The following GLIS3 variants were observed in gnomAD, a reference collection of about 807,000 sequenced individuals.
GLIS3 encodes GLIS family zinc finger 3, also known as zinc finger protein GLIS3.
Under a neutral mutation model 78.6 loss-of-function variants are expected in GLIS3, and 53 were observed. The observed-to-expected ratio is 0.67, with a 90% CI of 0.54 to 0.85. GLIS3 has a LOEUF of 0.85. Ranked by LOEUF, GLIS3 falls within the 40% of genes least tolerant of loss-of-function variation. GLIS3 has a pLI of 0.00. For missense variants in GLIS3, 1,703 were observed against 1,231.1 expected (o/e 1.38, Z -5.74); for synonymous variants, 684 against 509.9 (o/e 1.34, Z -4.60).
the GLIS3 span, among the ~76,000 whole-genome samples, chr9:4,379,048 C>G: frequency 1.4e-4 from 21 of 152,134 alleles, no homozygotes; most frequent in Non-Finnish European, 1.6e-4. Flanking sequence ...TTTTCAAGTG[C>G]TTGTGGTTTT....
the GLIS3 span, among the ~76,000 whole-genome samples, chr9:4,397,024 C>CTTTTTTT: frequency 2.5e-4 from 30 of 121,198 alleles, no homozygotes; most frequent in Non-Finnish European, 3.2e-4. Context: ...TTCTTTTTTT[C>CTTTTTTT]TTTTTTTTTT....
chr9:4,248,087 T>C (rs934439023), intron 2 of GLIS3, among the ~76,000 whole-genome samples: 2 of 152,156 alleles, frequency 1.3e-5, no homozygotes, highest in African/African-American at 4.8e-5. Flanking sequence ...CTTCTATGAA[T>C]TCAACTTTTT....
chr9:4,206,098 C>T (rs1046947723), intron 2 of GLIS3, among the ~76,000 whole-genome samples: 2 of 152,024 alleles, frequency 1.3e-5, no homozygotes, highest in South Asian at 4.2e-4. Flanking sequence ...TACAAGATCC[C>T]CCCATTTTCA....
the GLIS3 span, among the ~76,000 whole-genome samples, chr9:4,451,373 G>C: frequency 1.3e-5 from 2 of 152,114 alleles, no homozygotes; most frequent in South Asian, 2.1e-4. Context: ...CCTACAAAGA[G>C]ACTTAGACTC....
chr9:3,991,835 C>T (rs375067116), intron 4 of GLIS3, among the ~76,000 whole-genome samples: 6 of 151,836 alleles, frequency 4.0e-5, no homozygotes, highest in African/African-American at 4.8e-5. Flanking sequence ...GGACTACAGG[C>T]GCCTGCAACC....
chr9:4,418,624 G>C, the GLIS3 span, among the ~76,000 whole-genome samples: 1 of 152,040 alleles, frequency 6.6e-6, no homozygotes, highest in Non-Finnish European at 1.5e-5. Context: ...ACTTGAACCT[G>C]GGAGGCAGAG....
At chr9:3,986,175 A>G (rs1166664794) in intron 4 of GLIS3, among the ~76,000 whole-genome samples, 1 of 152,236 alleles carries the variant, frequency 6.6e-6, no homozygotes, top group Non-Finnish European at 1.5e-5. Flanking sequence ...TCTACATTGC[A>G]GGCATGCACT....
At chr9:4,145,795 T>C (rs1246938947) in intron 2 of GLIS3, among the ~76,000 whole-genome samples, 1 of 151,924 alleles carries the variant, frequency 6.6e-6, no homozygotes, top group East Asian at 1.9e-4. Context: ...TCTCCTTTAG[T>C]ATCAGCCAGT....
intron 2 of GLIS3, among the ~76,000 whole-genome samples, chr9:4,231,247 C>T (rs903622721): frequency 1.3e-5 from 2 of 152,174 alleles, no homozygotes; most frequent in African/African-American, 2.4e-5. Context: ...ACTAGAAAAA[C>T]TCAATGAATG....
intron 9 of GLIS3, among the ~76,000 whole-genome samples, chr9:3,831,889 A>G (rs1388178898): frequency 6.6e-6 from 1 of 152,216 alleles, no homozygotes; most frequent in Non-Finnish European, 1.5e-5. Flanking sequence ...GCCTAGGATC[A>G]GTTGTATGGA....
Position 4,307,477 on chromosome 9 carries a change from C to A in GLIS3, n.584+1300G>T, listed in dbSNP as rs914255151. 1.4e-4 allele frequency among the ~76,000 whole-genome samples: 22 copies of A among 152,280 alleles called. No individual in the cohort carries two copies. The East Asian group carries it at 3.9e-3, about 27-fold the overall frequency. ...TCCACAGGATGACCTTTACTATCCA[C>A]CTCCTCTTACTCTGTGAGGCTTTCT... On this transcript the variant is annotated intron_variant and non_coding_transcript_variant, in intron 4 of 4. Transcript: ENST00000471664.
At chr9:4,227,709 C>T (rs1821896438) in intron 2 of GLIS3, among the ~76,000 whole-genome samples, 2 of 152,090 alleles carry the variant, frequency 1.3e-5, no homozygotes, top group Admixed American at 1.3e-4. Context: ...GACAGAAACC[C>T]AACATATTAT....
chr9:3,991,845 C>A (rs980828180), intron 4 of GLIS3, among the ~76,000 whole-genome samples: 2 of 152,006 alleles, frequency 1.3e-5, no homozygotes, highest in Non-Finnish European at 2.9e-5. Flanking sequence ...CGCCTGCAAC[C>A]ATGCCTGGCT....
intron 4 of GLIS3, among the ~76,000 whole-genome samples, chr9:3,956,807 C>A (rs1253825423): frequency 6.6e-6 from 1 of 152,140 alleles, no homozygotes; most frequent in African/African-American, 2.4e-5. Flanking sequence ...TTGGATGTTT[C>A]ATCTTTATCT....
intron 4 of GLIS3, among the ~76,000 whole-genome samples, chr9:4,110,683 G>A (rs1831136166): frequency 6.6e-6 from 1 of 152,058 alleles, no homozygotes. Flanking sequence ...TCCCTACTCA[G>A]GCTCTGGGCT....
chr9:4,016,053 TAG>T (rs1337231584), intron 4 of GLIS3, among the ~76,000 whole-genome samples: 1 of 152,182 alleles, frequency 6.6e-6, no homozygotes, highest in Non-Finnish European at 1.5e-5. Context: ...ATTAAGCGTA[TAG>T]TACTATTACA....
At chr9:4,458,794 G>C in the GLIS3 span, among the ~76,000 whole-genome samples, 1 of 152,112 alleles carries the variant, frequency 6.6e-6, no homozygotes, top group Non-Finnish European at 1.5e-5. Context: ...CGAGACTTGA[G>C]TATATCTGAA....
chr9:3,913,564 T>C (rs976198189), intron 6 of GLIS3, among the ~76,000 whole-genome samples: 2 of 152,158 alleles, frequency 1.3e-5, no homozygotes, highest in Non-Finnish European at 2.9e-5. Context: ...ACCTCCCTCA[T>C]CTGGAGTCCC....
chr9:3,832,499 C>T (rs754472712), intron 9 of GLIS3, among the ~76,000 whole-genome samples: 10 of 152,150 alleles, frequency 6.6e-5, no homozygotes, highest in Non-Finnish European at 1.3e-4. Context: ...CTAATTGACA[C>T]ACAGACTAAT....
Sources: gnomAD v4.1 joint callset for allele counts (sites outside exome capture counted in the v4.1 genomes callset) on GRCh38, gnomAD v4.1.1 for gene constraint, MANE v1.5 for transcripts, NCBI Gene and HGNC (gene_info 2026-07-23, HGNC 2026-07-21) for gene names.